Variants in WDFY4 observed in about 807,000 individuals in gnomAD.
WDFY4 encodes the protein WDFY family member 4.
In WDFY4, 169 loss-of-function variants were observed where a neutral mutation model predicts 351.9. That is an observed-to-expected ratio of 0.48 (90% confidence interval 0.42 to 0.55). WDFY4 has a LOEUF of 0.55. WDFY4 is among the 20% of genes least tolerant of loss of function. The pLI, the probability that WDFY4 is intolerant of heterozygous loss-of-function variation, is 0.00. For missense variants in WDFY4, 3,803 were observed against 3,935.6 expected, an observed-to-expected ratio of 0.97 and a Z score of 0.90; for synonymous variants, 1,622 against 1,574.6, an observed-to-expected ratio of 1.03 and a Z score of -0.71.
chr10:48,948,059 C>T (rs1417325663), intron 51 of WDFY4, among the ~76,000 whole-genome samples: 2 of 152,138 alleles, frequency 1.3e-5, no homozygotes, highest in African/African-American at 4.8e-5. Flanking sequence ...AAAGGCCACC[C>T]TGCATCAACA....
intron 51 of WDFY4, among the ~76,000 whole-genome samples, chr10:48,951,980 C>T (rs762875976): frequency 3.9e-5 from 6 of 152,342 alleles, no homozygotes; most frequent in Admixed American, 6.5e-5. Flanking sequence ...TCAGCTGTTA[C>T]CAGCAGTGGG....
At chr10:48,820,126 A>C in intron 32 of WDFY4, 108 bp from the exon 33 acceptor site, 4 of 1,259,528 alleles carry the variant, frequency 3.2e-6, no homozygotes, top group Non-Finnish European at 4.5e-6. Flanking sequence ...CAATTTCCGT[A>C]CATGTCACTG....
intron 47 of WDFY4, among the ~76,000 whole-genome samples, chr10:48,922,243 A>G (rs1839148201): frequency 6.6e-6 from 1 of 152,212 alleles, no homozygotes. Flanking sequence ...ATCTCAGGCC[A>G]TCCTGCTACA....
intron 44 of WDFY4, among the ~76,000 whole-genome samples, chr10:48,894,227 G>T (rs552613689): frequency 6.6e-6 from 1 of 152,278 alleles, no homozygotes; most frequent in African/African-American, 2.4e-5. Context: ...CTAAAAGCTC[G>T]TTACCATTTT....
rs2064161203 is a variant in WDFY4 at position 48,723,514 on chromosome 10, G to A, written c.538G>A (p.Asp180Asn). The A allele has an allele frequency of 2.6e-6, 4 of 1,551,578 alleles. No individual in the cohort carries two copies. The Admixed American group carries it at 7.8e-5, about 30-fold the overall frequency. The change falls in exon 5 of 62, where the codon GAC becomes AAC. Residue 180 changes from aspartate to asparagine, a missense_variant. Around this residue, in one of 3 missense-constraint regions of WDFY4, gnomAD observed 488 missense variants for 456.8 expected, o/e 1.07. Transcript: ENST00000325239. ...CLYLFFVFPL[D>N]KDELLESDLQ... is the part of the protein sequence containing the mutation. The stretch of plus-strand genomic sequence containing the variant: ...TTACCTCTTCTTTGTCTTTCCTCTG[G>A]ACAAAGATGAGCTTCTTGAGAGTGA...
In WDFY4 at chr10:48,957,259, C is replaced by T. The variant is rs1841636712; in HGVS notation, c.8108C>T (p.Thr2703Ile). The T allele has an allele frequency of 6.4e-6, 10 of 1,551,646 alleles. No individual in the cohort carries two copies. The highest frequency in any genetic ancestry group is 8.7e-6 in the Non-Finnish European group (10 of 1,146,924). Reference protein sequence around the residue: ...PEFFYLPEFLTNCNGVEFGCM... With the variant: ...PEFFYLPEFLINCNGVEFGCM... ...TTCTTCTACCTGCCTGAGTTCTTAACCAACTGCAACGGGGTAGAGTTCGGT... is the reference window on the plus strand; with the variant it reads ...TTCTTCTACCTGCCTGAGTTCTTAATCAACTGCAACGGGGTAGAGTTCGGT... The change falls in exon 52 of 62, where the codon ACC becomes ATC. Residue 2703 changes from threonine (T) to isoleucine (I), a missense_variant. Thr to Ile is a moderately conservative substitution (Grantham distance 89). Around this residue, in one of 3 missense-constraint regions of WDFY4, gnomAD observed 3,054 missense variants for 3,148.6 expected, o/e 0.97. Coordinates refer to ENST00000325239, the MANE Select transcript of WDFY4 (RefSeq NM_001394531.1).
In WDFY4 at chr10:48,901,676, G is replaced by A. The variant is rs1837359770; in HGVS notation, c.7524-125G>A. 4 of 1,025,724 alleles carry A rather than the reference G, an allele frequency of 3.9e-6. No homozygotes were observed. In the South Asian group the frequency reaches 4.4e-5, roughly 11 times the overall value. 63.5% of individuals were successfully genotyped at this position (1,025,724 alleles called of 1,614,324 possible). On this transcript the variant is annotated intron_variant, in intron 46 of 61. Coordinates refer to ENST00000325239, the MANE Select transcript of WDFY4 (RefSeq NM_001394531.1). ...CCCAGGCCTGGTGTTCACGACCTGG[G>A]GGCAGGATGGAGCGAGGGGGAGCAA...
At chr10:48,787,301 G>A (rs1202542668) in intron 20 of WDFY4, among the ~76,000 whole-genome samples, 1 of 152,194 alleles carries the variant, frequency 6.6e-6, no homozygotes, top group African/African-American at 2.4e-5. Flanking sequence ...AGTCAAAGGG[G>A]TCAGCTCCCA....
At chr10:48,855,908 A>G (rs2069115959) in intron 39 of WDFY4, among the ~76,000 whole-genome samples, 1 of 152,100 alleles carries the variant, frequency 6.6e-6, no homozygotes, top group Admixed American at 6.5e-5. Context: ...TCTGTGCCTA[A>G]TTTATAGATT....
At chr10:48,772,517 C>CTTTTTT (rs10672319) in intron 13 of WDFY4, among the ~76,000 whole-genome samples, 2 of 70,608 alleles carry the variant, frequency 2.8e-5, no homozygotes, top group African/African-American at 5.5e-5. Flanking sequence ...GAGGGCAGTT[C>CTTTTTT]TTTTTTTTTT....
At chr10:48,799,531 CGA>C (rs1565212189) in intron 24 of WDFY4, among the ~76,000 whole-genome samples, 7,596 of 152,118 alleles carry the variant, frequency 0.05, 663 homozygotes, top group African/African-American at 0.17. Context: ...AATCCCAGCA[CGA>C]AGAGGCCGAG....
At chr10:48,974,518 A>AAAAAAAAAAAAAAAAAC (rs1287019683) in intron 57 of WDFY4, among the ~76,000 whole-genome samples, 1 of 27,974 alleles carries the variant, frequency 3.6e-5, no homozygotes, top group Non-Finnish European at 1.9e-4. Context: ...AAAAAAAAAA[A>AAAAAAAAAAAAAAAAAC]AAAAAAAAAA....
intron 47 of WDFY4, among the ~76,000 whole-genome samples, chr10:48,937,176 G>A (rs1278820977): frequency 1.3e-5 from 2 of 152,180 alleles, no homozygotes; most frequent in Non-Finnish European, 2.9e-5. Flanking sequence ...TTACACGTGT[G>A]AGCCACTGTG....
intron 13 of WDFY4, among the ~76,000 whole-genome samples, chr10:48,768,424 G>A (rs202002840): frequency 1.4e-5 from 2 of 141,150 alleles, no homozygotes; most frequent in African/African-American, 5.9e-5. Flanking sequence ...CTTTTGAAAG[G>A]CTCTGCTTAC....
intron 45 of WDFY4, among the ~76,000 whole-genome samples, chr10:48,899,538 C>T (rs919797725): frequency 6.6e-5 from 10 of 152,246 alleles, no homozygotes; most frequent in Admixed American, 2.0e-4. Flanking sequence ...TCCCTTCAGC[C>T]CTGGGAATTC....
chr10:48,891,663 C>T (rs1290060639), intron 44 of WDFY4, among the ~76,000 whole-genome samples: 2 of 152,200 alleles, frequency 1.3e-5, no homozygotes, highest in Non-Finnish European at 2.9e-5. Flanking sequence ...ATGCCTGGGT[C>T]CTGCCCCACC....
At chr10:48,981,180 T>C (rs775770402) in intron 60 of WDFY4, among the ~76,000 whole-genome samples, 187 bp from the exon 61 acceptor site, 4 of 152,222 alleles carry the variant, frequency 2.6e-5, no homozygotes, top group Non-Finnish European at 4.4e-5. Flanking sequence ...CGCCTGCAAA[T>C]TAAATTGGGA....
chr10:48,959,921 C>T (rs1589996357), intron 53 of WDFY4, 108 bp downstream of exon 53: 17 of 1,050,716 alleles, frequency 1.6e-5, no homozygotes, highest in East Asian at 1.1e-4. Context: ...CACTGTGAGG[C>T]TCATGTCTGG....
chr10:48,936,385 T>C (rs1369689620), intron 47 of WDFY4, among the ~76,000 whole-genome samples: 2 of 152,142 alleles, frequency 1.3e-5, no homozygotes, highest in Admixed American at 1.3e-4. Flanking sequence ...TACTACCCAG[T>C]ATACTTCTAA....
Sources: allele counts gnomAD v4.1 joint callset (sites outside exome capture counted in the v4.1 genomes callset), GRCh38; gene constraint gnomAD v4.1.1; regional missense constraint gnomAD v4.1.1; transcripts MANE v1.5; gene names NCBI Gene and HGNC (gene_info 2026-07-23, HGNC 2026-07-21).